SHC4: variants seen among roughly 807,000 people sequenced by gnomAD.
The protein encoded by SHC4 is SHC adaptor protein 4, also known as SHC-transforming protein 4.
SHC4 carries 41 observed loss-of-function variants against 69.4 expected under a neutral mutation model. The observed-to-expected ratio is 0.59, with a 90% confidence interval of 0.46 to 0.77. The LOEUF (loss-of-function observed/expected upper bound fraction) is 0.77, where lower values mean the gene tolerates loss of function less well. Among genes scored for constraint, SHC4 ranks in the 30% least tolerant of loss-of-function variants. The pLI is 0.00. For missense variants in SHC4, 777 were observed against 783.8 expected (o/e 0.99, Z 0.10); for synonymous variants, 318 against 299.3 (o/e 1.06, Z -0.64).
chr15:48,895,008 T>C (rs1004587012), intron 2 of SHC4, among the ~76,000 whole-genome samples: 1 of 152,040 alleles, frequency 6.6e-6, no homozygotes, highest in Non-Finnish European at 1.5e-5. Context: ...TCTCCCTATG[T>C]TGCCTGGGTT....
intron 4 of SHC4, among the ~76,000 whole-genome samples, chr15:48,875,954 TGAG>T (rs1448101096): frequency 2.0e-5 from 3 of 152,228 alleles, no homozygotes; most frequent in African/African-American, 7.2e-5. Context: ...TGCAGCTCTG[TGAG>T]GAGATGGATG....
intron 4 of SHC4, among the ~76,000 whole-genome samples, chr15:48,883,300 T>C (rs1899977375): frequency 6.6e-6 from 1 of 152,146 alleles, no homozygotes. Flanking sequence ...TCAGAAACCT[T>C]ATAAATAAGT....
At chr15:48,945,261 T>G (rs1490381493) in intron 1 of SHC4, among the ~76,000 whole-genome samples, 2 of 152,034 alleles carry the variant, frequency 1.3e-5, no homozygotes, top group African/African-American at 4.8e-5. Context: ...GAATCCAGAC[T>G]TCAGGGGCAA....
chr15:48,830,231 A>G (rs1224052791), intron 11 of SHC4, among the ~76,000 whole-genome samples: 1 of 152,120 alleles, frequency 6.6e-6, no homozygotes, highest in Non-Finnish European at 1.5e-5. Context: ...TGTGATTACC[A>G]TGGGGCTCGC....
chr15:48,920,172 G>A (rs1277099729), intron 2 of SHC4, among the ~76,000 whole-genome samples: 32 of 144,876 alleles, frequency 2.2e-4, no homozygotes, highest in Admixed American at 2.1e-3. Context: ...CTGCCACCAC[G>A]CCTGGCTAAT....
intron 7 of SHC4, among the ~76,000 whole-genome samples, chr15:48,857,317 A>C (rs1899340043): frequency 1.3e-5 from 2 of 151,254 alleles, no homozygotes; most frequent in Admixed American, 1.3e-4. Context: ...TTTTTTTTTT[A>C]ACTGATATGT....
At chr15:48,946,601 G>A (rs1390467022) in intron 1 of SHC4, 4 of 984,088 alleles carry the variant, frequency 4.1e-6, no homozygotes, top group Non-Finnish European at 4.8e-6. Flanking sequence ...CACATCCCAG[G>A]CCAGAATCTC....
rs149541495 is a variant in SHC4 at position 48,962,775 on chromosome 15, T to C, written c.241A>G (p.Thr81Ala). Residue 81 changes from threonine to alanine, a missense_variant, in exon 1 of 12, where the codon ACC (threonine) becomes GCC (alanine). Coordinates refer to ENST00000332408, the MANE Select transcript of SHC4 (RefSeq NM_203349.4). ...DATLPSQESP[T>A]PLCTLIPRMA... Reference sequence around the variant, plus strand: ...CGGGGGATCAAGGTGCACAGTGGGGTGGGGCTCTCCTGCGACGGCAAGGTG... The same window carrying C: ...CGGGGGATCAAGGTGCACAGTGGGGCGGGGCTCTCCTGCGACGGCAAGGTG... 2.4e-4 allele frequency: 384 copies of C among 1,608,492 alleles called. No homozygotes were observed. The highest frequency in any genetic ancestry group is 3.1e-4 in the Non-Finnish European group (371 of 1,178,970).
intron 3 of SHC4, among the ~76,000 whole-genome samples, chr15:48,889,494 C>G (rs551938693): frequency 6.6e-6 from 1 of 152,182 alleles, no homozygotes; most frequent in Non-Finnish European, 1.5e-5. Flanking sequence ...CATCTCTTGT[C>G]TCAGACTCAG....
At chr15:48,953,813 G>A (rs911816541) in intron 1 of SHC4, among the ~76,000 whole-genome samples, 1 of 152,148 alleles carries the variant, frequency 6.6e-6, no homozygotes, top group Non-Finnish European at 1.5e-5. Flanking sequence ...CTTGATGTAC[G>A]AGTAGCTCAT....
intron 8 of SHC4, among the ~76,000 whole-genome samples, chr15:48,854,836 G>A (rs972198533): frequency 1.4e-4 from 21 of 152,078 alleles, no homozygotes; most frequent in Non-Finnish European, 2.6e-4. Flanking sequence ...GGGAAAGAGG[G>A]GGGCAAAGGC....
chr15:48,897,209 C>T (rs1254568517), intron 2 of SHC4, among the ~76,000 whole-genome samples: 2 of 152,116 alleles, frequency 1.3e-5, no homozygotes, highest in African/African-American at 2.4e-5. Flanking sequence ...GAAAGAGAAA[C>T]GCCCCAGAGC....
intron 1 of SHC4, among the ~76,000 whole-genome samples, chr15:48,929,754 G>A (rs779972173): frequency 6.6e-6 from 1 of 152,220 alleles, no homozygotes; most frequent in Non-Finnish European, 1.5e-5. Context: ...CTGTGGTGAG[G>A]AGAGGACACT....
At chr15:48,944,040 C>A (rs1456690183) in intron 1 of SHC4, among the ~76,000 whole-genome samples, 1 of 151,992 alleles carries the variant, frequency 6.6e-6, no homozygotes, top group Non-Finnish European at 1.5e-5. Flanking sequence ...GGCCGAGCAC[C>A]TTTTTATATA....
chr15:48,857,580 G>A, intron 7 of SHC4, 112 bp downstream of exon 7: 1 of 999,458 alleles, frequency 1.0e-6, no homozygotes, highest in South Asian at 3.5e-5. Flanking sequence ...AATTTTATTA[G>A]TTCATTTTAA....
In SHC4 at chr15:48,891,155, A is replaced by C. The variant is rs568572812; in HGVS notation, c.657-344T>G. On this transcript the variant is annotated intron_variant, in intron 2 of 11. Transcript: ENST00000332408. ...GCATTGTCATCTGGAAATACTTCGC[A>C]GTTTTATCTTTAGCAAAATCATCTC... is the stretch of plus-strand genomic sequence containing the variant. Among the ~76,000 whole-genome samples, 5 of 152,328 alleles carry C rather than the reference A, an allele frequency of 3.3e-5. No individual in the cohort carries two copies. The South Asian group carries it at 1.0e-3, about 32-fold the overall frequency.
chr15:48,907,771 CAT>C (rs59241668), intron 2 of SHC4, among the ~76,000 whole-genome samples: 34,458 of 146,678 alleles, frequency 0.23, 5,457 homozygotes, highest in East Asian at 0.79. Context: ...AGTATTCCAT[CAT>C]ATATATATAT....
At position 48,962,555 on chromosome 15, in the gene SHC4, C is replaced by A. The variant is rs758870725; in HGVS notation, c.461G>T (p.Arg154Met). The stretch of plus-strand genomic sequence containing the variant: ...CGAATCAGGGGTTAGGGCGGTTGCC[C>A]TGTGTCCCACCAGGTCCTGCTGCGG... ...PPPQQDLVGH[R>M]ATALTPDSCP... The change falls in exon 1 of 12, where the codon AGG becomes ATG. Residue 154 changes from arginine (R) to methionine (M), a missense_variant. By Grantham distance (91) the Arg-to-Met change is moderately conservative (BLOSUM62 -1). Transcript: ENST00000332408. 2 of 1,609,872 alleles carry A rather than the reference C, an allele frequency of 1.2e-6. No homozygotes were observed. The highest frequency in any genetic ancestry group is 4.5e-5 in the East Asian group (2 of 44,812).
chr15:48,826,928 CAG>C (rs1291484899), intron 11 of SHC4, among the ~76,000 whole-genome samples: 1 of 152,208 alleles, frequency 6.6e-6, no homozygotes, highest in Admixed American at 6.5e-5. Flanking sequence ...AGCTGATTCA[CAG>C]ATATTTGTTG....
Sources: gnomAD v4.1 joint callset for allele counts (sites outside exome capture counted in the v4.1 genomes callset) on GRCh38, gnomAD v4.1.1 for gene constraint, MANE v1.5 for transcripts, NCBI Gene and HGNC (gene_info 2026-07-23, HGNC 2026-07-21) for gene names.